CUBN: variants seen among roughly 807,000 people sequenced by gnomAD.
The protein encoded by CUBN is 460 kDa receptor.
A neutral mutation model predicts 405.3 loss-of-function variants in CUBN; 282 were observed. That is an observed-to-expected ratio of 0.70 (90% CI 0.63 to 0.77). CUBN has a LOEUF of 0.77. Ranked by LOEUF, CUBN falls within the 30% of genes least tolerant of loss-of-function variation. The pLI, the probability that CUBN is intolerant of heterozygous loss-of-function variation, is 0.00. For synonymous variants in CUBN, 1,684 were observed against 1,617.0 expected (o/e 1.04, Z -0.99); for missense variants, 4,514 against 4,475.2 (o/e 1.01, Z -0.25).
intron 63 of CUBN, 68 bp downstream of exon 63, chr10:16,836,167 T>A (rs1263411120): frequency 7.2e-7 from 1 of 1,385,996 alleles, no homozygotes; most frequent in Non-Finnish European, 1.0e-6. Flanking sequence ...GAAATAATTG[T>A]AATTATTCTA....
At chr10:16,835,712 G>A (rs1464100947) in intron 63 of CUBN, among the ~76,000 whole-genome samples, 2 of 150,504 alleles carry the variant, frequency 1.3e-5, no homozygotes, top group African/African-American at 2.5e-5. Flanking sequence ...ACTAAATAAA[G>A]TGTTCTGTGA....
At chr10:17,038,351 G>C (rs1006719034) in intron 27 of CUBN, among the ~76,000 whole-genome samples, 8 of 152,182 alleles carry the variant, frequency 5.3e-5, no homozygotes, top group Non-Finnish European at 1.0e-4. Context: ...GATTCCCCAT[G>C]TTTGCACGGG....
At chr10:17,114,966 G>A (rs1377010842) in intron 7 of CUBN, among the ~76,000 whole-genome samples, 1 of 152,184 alleles carries the variant, frequency 6.6e-6, no homozygotes, top group Non-Finnish European at 1.5e-5. Context: ...CATTTCGGCC[G>A]GGCACGGTGG....
At chr10:17,121,523 A>G (rs950230046) in intron 6 of CUBN, among the ~76,000 whole-genome samples, 39 of 128,724 alleles carry the variant, frequency 3.0e-4, no homozygotes, top group Admixed American at 2.7e-3. Flanking sequence ...AGGAAGGGGA[A>G]CATCACACAC....
chr10:17,105,435 A>G (rs1314288961), intron 11 of CUBN, 22 bp downstream of exon 11: 3 of 1,325,614 alleles, frequency 2.3e-6, no homozygotes, highest in Non-Finnish European at 2.2e-6. Context: ...CTCTCTGTCC[A>G]CAGGAAAAAC....
intron 48 of CUBN, among the ~76,000 whole-genome samples, chr10:16,910,662 T>C (rs1239362492): frequency 6.6e-6 from 1 of 152,010 alleles, no homozygotes; most frequent in Non-Finnish European, 1.5e-5. Context: ...AAGTGACTAA[T>C]GTAAAAGGCA....
intron 28 of CUBN, among the ~76,000 whole-genome samples, chr10:17,006,101 A>G (rs1834016341): frequency 6.6e-6 from 1 of 152,218 alleles, no homozygotes; most frequent in Admixed American, 6.5e-5. Flanking sequence ...TCCAGGAGAC[A>G]GCACACTTCT....
chr10:16,939,317 C>T (rs1384086126), intron 37 of CUBN, among the ~76,000 whole-genome samples, 170 bp from the exon 38 acceptor site: 1 of 152,160 alleles, frequency 6.6e-6, no homozygotes, highest in African/African-American at 2.4e-5. Context: ...TGGGCTATCA[C>T]TTCCTTAGAA....
At chr10:16,869,570 G>C (rs566810919) in intron 59 of CUBN, 66 bp downstream of exon 59, 1 of 1,107,600 alleles carries the variant, frequency 9.0e-7, no homozygotes, top group Admixed American at 1.7e-5. Flanking sequence ...GGGGGGGGCG[G>C]GGAAATTAAA....
At chr10:16,869,162 T>A (rs959295929) in intron 59 of CUBN, among the ~76,000 whole-genome samples, 2 of 134,208 alleles carry the variant, frequency 1.5e-5, no homozygotes, top group Non-Finnish European at 3.1e-5. Flanking sequence ...GCTACCAAAG[T>A]GATTTTTTTT....
chr10:16,882,611 G>A (rs149424617), intron 56 of CUBN, among the ~76,000 whole-genome samples: 1 of 152,190 alleles, frequency 6.6e-6, no homozygotes. Flanking sequence ...CTCCAAAGTG[G>A]GGGGAGGGCG....
intron 28 of CUBN, among the ~76,000 whole-genome samples, chr10:17,019,298 T>C (rs150983570): frequency 6.6e-6 from 1 of 152,322 alleles, no homozygotes; most frequent in Non-Finnish European, 1.5e-5. Context: ...GATGTGCCCC[T>C]TCCTGTTTGA....
intron 27 of CUBN, among the ~76,000 whole-genome samples, chr10:17,023,072 G>A (rs1021517606): frequency 1.7e-4 from 26 of 152,052 alleles, no homozygotes; most frequent in African/African-American, 1.7e-4. Flanking sequence ...AAGAAATGTG[G>A]CATTTTCACG....
intron 14 of CUBN, among the ~76,000 whole-genome samples, chr10:17,094,180 G>C (rs1836324238): frequency 6.6e-6 from 1 of 152,000 alleles, no homozygotes; most frequent in South Asian, 2.1e-4. Flanking sequence ...TGGAGAAAAA[G>C]ACACATTATC....
intron 31 of CUBN, among the ~76,000 whole-genome samples, chr10:16,961,388 C>T (rs1035045636): frequency 9.2e-5 from 14 of 152,022 alleles, no homozygotes; most frequent in African/African-American, 2.7e-4. Context: ...CCTGATGCTT[C>T]GATACCTTGA....
chr10:16,939,213 A>AG, intron 37 of CUBN, 66 bp from the exon 38 acceptor site: 1 of 1,297,030 alleles, frequency 7.7e-7, no homozygotes, highest in Non-Finnish European at 1.1e-6. Flanking sequence ...AATGAAAAAA[A>AG]CAAAAGGCAA....
intron 31 of CUBN, among the ~76,000 whole-genome samples, chr10:16,955,041 A>G (rs1307172934): frequency 6.6e-6 from 1 of 152,138 alleles, no homozygotes; most frequent in Non-Finnish European, 1.5e-5. Context: ...TTTTCAAACG[A>G]TAGGGGTGAT....
chr10:17,052,563 C>T (rs1835293930), intron 22 of CUBN, among the ~76,000 whole-genome samples: 1 of 151,530 alleles, frequency 6.6e-6, no homozygotes, highest in African/African-American at 2.4e-5. Flanking sequence ...CCGAGACCAG[C>T]CTGGCCAACA....
chr10:16,914,658 CAA>C (rs5783521), intron 47 of CUBN, among the ~76,000 whole-genome samples: 185 of 131,080 alleles, frequency 1.4e-3, no homozygotes, highest in Non-Finnish European at 1.8e-3. Flanking sequence ...CCCATGTTCA[CAA>C]AAAAAAAAAA....
Sources: allele counts gnomAD v4.1 joint callset (sites outside exome capture counted in the v4.1 genomes callset), GRCh38; gene constraint gnomAD v4.1.1; transcripts MANE v1.5; gene names NCBI Gene and HGNC (gene_info 2026-07-23, HGNC 2026-07-21).